The following KDSR variants were observed in gnomAD, a reference collection of about 807,000 sequenced individuals.
KDSR encodes the protein 3-ketodihydrosphingosine reductase.
Under a neutral mutation model 41.3 loss-of-function variants are expected in KDSR, and 23 were observed. The ratio of observed to expected loss-of-function variants is 0.56; its 90% CI spans 0.40 to 0.79. KDSR has a LOEUF of 0.79. Among genes scored for constraint, KDSR ranks in the 30% least tolerant of loss-of-function variants. The probability of loss-of-function intolerance (pLI) is 0.00; values close to 1 mark genes in which losing one functional copy is unlikely to be tolerated. For synonymous variants in KDSR, 138 were observed against 151.7 expected, an observed-to-expected ratio of 0.91 and a Z score of 0.66; for missense variants, 351 against 416.8, an observed-to-expected ratio of 0.84 and a Z score of 1.37.
intron 8 of KDSR, among the ~76,000 whole-genome samples, chr18:63,337,651 C>A (rs1432184919): frequency 6.6e-6 from 1 of 152,088 alleles, no homozygotes; most frequent in Non-Finnish European, 1.5e-5. Context: ...GGGCTGGGCA[C>A]GGAGCTCACG....
At chr18:63,353,322 GAAAAT>G (rs543638264) in intron 5 of KDSR, among the ~76,000 whole-genome samples, 123 of 152,224 alleles carry the variant, frequency 8.1e-4, no homozygotes, top group Non-Finnish European at 1.6e-3. Context: ...CAAGAACAAA[GAAAAT>G]AAGAATAAAA....
intron 5 of KDSR, among the ~76,000 whole-genome samples, chr18:63,351,633 A>C (rs1241879770): frequency 6.6e-6 from 1 of 152,234 alleles, no homozygotes; most frequent in Non-Finnish European, 1.5e-5. Flanking sequence ...GGGCTGTTGC[A>C]AAGATTAAAA....
chr18:63,360,171 G>A (rs1028233832), intron 2 of KDSR, among the ~76,000 whole-genome samples: 14 of 151,982 alleles, frequency 9.2e-5, no homozygotes, highest in Non-Finnish European at 1.8e-4. Flanking sequence ...CCCCAAAGTT[G>A]AGGGTATGTG....
intron 5 of KDSR, 80 bp downstream of exon 5, chr18:63,355,124 T>C: frequency 1.1e-6 from 1 of 929,238 alleles, no homozygotes; most frequent in Non-Finnish European, 1.7e-6. Flanking sequence ...ATTCATCTAA[T>C]TGATTCTTAA....
intron 5 of KDSR, among the ~76,000 whole-genome samples, chr18:63,354,748 T>C (rs1914751462): frequency 6.6e-6 from 1 of 152,230 alleles, no homozygotes; most frequent in Non-Finnish European, 1.5e-5. Flanking sequence ...AGTTCCTTGG[T>C]AAACCTGATT....
intron 6 of KDSR, chr18:63,345,948 A>T (rs1599328540): frequency 6.6e-6 from 1 of 151,932 alleles, no homozygotes; most frequent in Non-Finnish European, 1.5e-5. Flanking sequence ...ATCCCAAAAA[A>T]AAAAACAACA....
intron 2 of KDSR, among the ~76,000 whole-genome samples, chr18:63,362,169 C>T (rs902046568): frequency 2.6e-5 from 4 of 152,234 alleles, no homozygotes; most frequent in Admixed American, 2.6e-4. Context: ...AGCAAGAGGA[C>T]GTCATGACAG....
At chr18:63,341,158 C>T (rs1408026570) in intron 7 of KDSR, among the ~76,000 whole-genome samples, 1 of 150,652 alleles carries the variant, frequency 6.6e-6, no homozygotes, top group African/African-American at 2.5e-5. Flanking sequence ...TTTCAGGAAG[C>T]CGGAAAAAAC....
intron 6 of KDSR, among the ~76,000 whole-genome samples, chr18:63,346,901 A>C (rs1246552877): frequency 6.6e-6 from 1 of 152,174 alleles, no homozygotes; most frequent in Non-Finnish European, 1.5e-5. Context: ...GAATATACTA[A>C]ACCACATCTA....
intron 6 of KDSR, among the ~76,000 whole-genome samples, chr18:63,348,162 G>A (rs1244877039): frequency 4.0e-5 from 6 of 151,682 alleles, no homozygotes; most frequent in East Asian, 1.9e-4. Flanking sequence ...ACAAAAAAAC[G>A]GTGAGGCATG....
Position 63,353,012 on chromosome 18 carries a change from CAA to C in KDSR, c.418-1935_418-1934del, listed in dbSNP as rs56105152. 4.7e-3 allele frequency among the ~76,000 whole-genome samples: 548 copies of C among 116,182 alleles called. 1 individual carries two copies. Among genetic ancestry groups the C allele is most frequent in the Middle Eastern group, 8.5e-3 (2 of 236 alleles). 76.2% of individuals were successfully genotyped at this position (116,182 alleles called of 152,430 possible). Reference sequence around the variant, plus strand: ...TGAAAACCCGACTCTACTAAAAATACAAAAAAAAAAAAAAAAAAATTAGCCAG... The same window carrying C: ...TGAAAACCCGACTCTACTAAAAATACAAAAAAAAAAAAAAAAATTAGCCAG... On this transcript the variant is annotated intron_variant, in intron 5 of 9. Coordinates refer to ENST00000645214, the MANE Select transcript of KDSR (RefSeq NM_002035.4).
At chr18:63,343,504 T>G (rs888108673) in intron 7 of KDSR, among the ~76,000 whole-genome samples, 3 of 151,826 alleles carry the variant, frequency 2.0e-5, no homozygotes, top group Non-Finnish European at 4.4e-5. Flanking sequence ...TCCTCCCACC[T>G]CAGCCTCCTG....
At chr18:63,334,475 C>T (rs1322800102) in intron 9 of KDSR, among the ~76,000 whole-genome samples, 6 of 152,156 alleles carry the variant, frequency 3.9e-5, no homozygotes, top group Admixed American at 2.0e-4. Context: ...CTCAACCTCC[C>T]GAGTAGCTGG....
chr18:63,343,372 TTTTTTA>T (rs1914401735), intron 7 of KDSR, among the ~76,000 whole-genome samples: 1 of 151,310 alleles, frequency 6.6e-6, no homozygotes, highest in Non-Finnish European at 1.5e-5. Flanking sequence ...AAATTTTTAT[TTTTTTA>T]TTTTTAATTT....
Position 63,330,758 on chromosome 18 carries a change from A to G in KDSR, c.*1024T>C, listed in dbSNP as rs540694008. On this transcript the variant is annotated 3_prime_UTR_variant, in exon 10 of 10. Coordinates refer to ENST00000645214, the MANE Select transcript of KDSR (RefSeq NM_002035.4). ...TTTTTTCATTTGCTTTAATTAATTC[A>G]TGAGTTAAGTTAAAAAGTCAAGTCG... 4.4e-6 allele frequency: 1 copy of G among 228,746 alleles called. No individual in the cohort carries two copies. Among genetic ancestry groups the G allele is most frequent in the South Asian group, 1.8e-4 (1 of 5,490 alleles). The allele number at this position is 228,746 out of a possible 1,614,324, so 14.2% of individuals were successfully genotyped here. A position where few individuals can be genotyped will look rare whatever the true frequency, so the allele number is the denominator to read the frequency against.
At chr18:63,353,913 T>C (rs371986176) in intron 5 of KDSR, among the ~76,000 whole-genome samples, 2 of 152,124 alleles carry the variant, frequency 1.3e-5, no homozygotes, top group East Asian at 1.9e-4. Flanking sequence ...GTGCACCTCA[T>C]TGTGAATATG....
At chr18:63,360,253 C>T (rs1217752101) in intron 2 of KDSR, among the ~76,000 whole-genome samples, 1 of 152,210 alleles carries the variant, frequency 6.6e-6, no homozygotes, top group Non-Finnish European at 1.5e-5. Context: ...TAGTAAGAAT[C>T]ACTTTCTGGA....
intron 1 of KDSR, among the ~76,000 whole-genome samples, chr18:63,364,659 G>T (rs1915084438): frequency 6.6e-6 from 1 of 152,062 alleles, no homozygotes; most frequent in Non-Finnish European, 1.5e-5. Flanking sequence ...GGCCAGGCTG[G>T]TCTCGAACTC....
At chr18:63,352,670 T>C (rs1396463792) in intron 5 of KDSR, among the ~76,000 whole-genome samples, 2 of 152,120 alleles carry the variant, frequency 1.3e-5, no homozygotes, top group South Asian at 2.1e-4. Flanking sequence ...GGGAAAAATA[T>C]CTATGCTATT....
Sources: allele counts gnomAD v4.1 joint callset (sites outside exome capture counted in the v4.1 genomes callset), GRCh38; gene constraint gnomAD v4.1.1; transcripts MANE v1.5; gene names NCBI Gene and HGNC (gene_info 2026-07-23, HGNC 2026-07-21).